RIN3: variants seen among roughly 807,000 people sequenced by gnomAD.
The protein encoded by RIN3 is Ras and Rab interactor 3.
A neutral mutation model predicts 76.3 loss-of-function variants in RIN3; 54 were observed. The observed-to-expected ratio is 0.71, with a 90% CI of 0.57 to 0.89. RIN3 has a LOEUF of 0.89. RIN3 is among the 40% of genes least tolerant of loss of function. The probability of loss-of-function intolerance (pLI) is 0.00; values close to 1 mark genes in which losing one functional copy is unlikely to be tolerated. For synonymous variants in RIN3, 576 were observed against 564.0 expected (o/e 1.02, Z -0.30); for missense variants, 1,256 against 1,322.1 (o/e 0.95, Z 0.78).
chr14:92,647,541 T>C (rs911166201), intron 5 of RIN3, among the ~76,000 whole-genome samples: 3 of 152,236 alleles, frequency 2.0e-5, no homozygotes. Flanking sequence ...ACTTGCTTTT[T>C]CCTTTACATC....
At chr14:92,664,364 C>CTTTTTTTTTTTTTT (rs373597134) in intron 7 of RIN3, among the ~76,000 whole-genome samples, 8 of 84,444 alleles carry the variant, frequency 9.5e-5, no homozygotes, top group East Asian at 4.8e-4. Flanking sequence ...TTCTTTCTTT[C>CTTTTTTTTTTTTTT]TTTTTTTTTT....
intron 3 of RIN3, among the ~76,000 whole-genome samples, chr14:92,589,672 T>C (rs1293937637): frequency 6.6e-6 from 1 of 152,206 alleles, no homozygotes. Context: ...ATAGTGGTGA[T>C]TAACTGAAAC....
At chr14:92,534,299 G>T (rs1373035827) in intron 1 of RIN3, among the ~76,000 whole-genome samples, 1 of 150,518 alleles carries the variant, frequency 6.6e-6, no homozygotes, top group African/African-American at 2.5e-5. Context: ...AGTAAATGGG[G>T]CTGGGCGTGG....
Position 92,593,343 on chromosome 14 carries a change from A to G in RIN3, c.367+15866A>G, listed in dbSNP as rs1251941463. On this transcript the variant is annotated intron_variant, in intron 3 of 9. Transcript: ENST00000216487. ...AATATCAATATCACTTTGAATTTTA[A>G]TGGTCCAAATGCACTAATTAAAAGA... is the stretch of plus-strand genomic sequence containing the variant. 2.0e-5 allele frequency among the ~76,000 whole-genome samples: 3 copies of G among 152,216 alleles called. No individual in the cohort carries two copies. The East Asian group carries it at 5.8e-4, about 29-fold the overall frequency.
intron 3 of RIN3, among the ~76,000 whole-genome samples, chr14:92,592,453 T>C (rs1386213605): frequency 6.6e-6 from 1 of 150,968 alleles, no homozygotes; most frequent in Non-Finnish European, 1.5e-5. Flanking sequence ...GGGGGATTGA[T>C]TCCAGGACCA....
chr14:92,642,067 G>A (rs1000239960), intron 5 of RIN3, among the ~76,000 whole-genome samples: 2 of 152,102 alleles, frequency 1.3e-5, no homozygotes, highest in Middle Eastern at 3.4e-3. Context: ...TTCAGTGTGT[G>A]TTGGGAGCAG....
rs1232260502 is a variant in RIN3 at position 92,627,121 on chromosome 14, T to C, written c.440+11642T>C. 3.3e-5 allele frequency among the ~76,000 whole-genome samples: 5 copies of C among 152,202 alleles called. No homozygotes were observed. In the East Asian group the frequency reaches 9.6e-4, roughly 29 times the overall value. The stretch of plus-strand genomic sequence containing the variant: ...ACCTAGAGGACTATCAGAGGGGATC[T>C]GACTATCCCCGTCCTTACCTTTCCC... On this transcript the variant is annotated intron_variant, in intron 4 of 9. Transcript: ENST00000216487.
intron 2 of RIN3, among the ~76,000 whole-genome samples, chr14:92,570,966 AGT>A (rs1898049017): frequency 7.9e-5 from 12 of 152,232 alleles, no homozygotes; most frequent in Non-Finnish European, 1.3e-4. Flanking sequence ...ACATATTTGA[AGT>A]TCTGTCTAAA....
chr14:92,656,424 C>G lies in RIN3; in HGVS notation c.2027-2737C>G, dbSNP rs956397516. Among the ~76,000 whole-genome samples the G allele has an allele frequency of 1.2e-4, 18 of 152,106 alleles. No individual in the cohort carries two copies. The highest frequency in any genetic ancestry group is 2.4e-4 in the Non-Finnish European group (16 of 67,988). On this transcript the variant is annotated intron_variant, in intron 6 of 9. Transcript: ENST00000216487. The surrounding 1 kb of genome is among the most constrained non-coding windows in gnomAD (Gnocchi z 5.2). ...GACGGCTCAGGAGGCTGCGGCGGGG[C>G]AAGGCCAGTACCCGGTGGCCTTCAG...
At chr14:92,560,316 G>A (rs1039952864) in intron 2 of RIN3, among the ~76,000 whole-genome samples, 8 of 152,148 alleles carry the variant, frequency 5.3e-5, no homozygotes, top group African/African-American at 1.4e-4. Context: ...TTCTGAGGGC[G>A]TAGCAGCTGG....
intron 1 of RIN3, among the ~76,000 whole-genome samples, chr14:92,539,752 G>T (rs1197210084): frequency 6.6e-6 from 1 of 152,166 alleles, no homozygotes; most frequent in Admixed American, 6.5e-5. Context: ...GGGAGGGAGG[G>T]TGGAGGAACT....
chr14:92,553,572 C>T (rs562401264), intron 1 of RIN3, among the ~76,000 whole-genome samples: 5 of 152,230 alleles, frequency 3.3e-5, no homozygotes, highest in Admixed American at 3.3e-4. Flanking sequence ...AGGATTCCTG[C>T]CATTCCCCGG....
chr14:92,563,928 C>G (rs1297431793), intron 2 of RIN3, among the ~76,000 whole-genome samples: 1 of 152,208 alleles, frequency 6.6e-6, no homozygotes, highest in East Asian at 1.9e-4. Flanking sequence ...CACACATACC[C>G]CTAAGCTCTG....
rs80216006 is a variant in RIN3, at chr14:92,566,458, C to T, written c.249+10503C>T. ...TGTTCCAAATGCTTTATTGACCACC[C>T]GTGATGTGATGAAGGCTAGGAAAGG... On this transcript the variant is annotated intron_variant, in intron 2 of 9. Transcript: ENST00000216487. Among the ~76,000 whole-genome samples the T allele has an allele frequency of 4.9e-4, 74 of 152,230 alleles. No individual in the cohort carries two copies. In the East Asian group the frequency reaches 0.012, roughly 25 times the overall value.
At chr14:92,586,849 A>G (rs993177037) in intron 3 of RIN3, among the ~76,000 whole-genome samples, 37 of 152,230 alleles carry the variant, frequency 2.4e-4, no homozygotes, top group African/African-American at 5.3e-4. Context: ...ATCAAAACCA[A>G]TGACACTCAG....
chr14:92,671,159 C>T (rs1888273773), intron 7 of RIN3, among the ~76,000 whole-genome samples: 1 of 152,172 alleles, frequency 6.6e-6, no homozygotes, highest in Non-Finnish European at 1.5e-5. Context: ...CTCTGGCTCA[C>T]ACAGCCTCCA....
intron 5 of RIN3, chr14:92,644,578 C>A (rs1196447114): frequency 6.6e-6 from 1 of 152,212 alleles, no homozygotes; most frequent in Non-Finnish European, 1.5e-5. Flanking sequence ...TCAGCACTTA[C>A]TTCCTAGAGA....
In RIN3 at chr14:92,659,599, G is replaced by A; in HGVS notation, c.2335+130G>A. 8 of 836,958 alleles carry A rather than the reference G, an allele frequency of 9.6e-6. No homozygotes were observed. The South Asian group carries it at 1.4e-4, about 14-fold the overall frequency. The allele number at this position is 836,958 out of a possible 1,614,324, so 51.8% of individuals were successfully genotyped here. A position where few individuals can be genotyped will look rare whatever the true frequency, so the allele number is the denominator to read the frequency against. On this transcript the variant is annotated intron_variant, in intron 7 of 9. Coordinates refer to ENST00000216487, the MANE Select transcript of RIN3 (RefSeq NM_024832.5). ...CCAGATTCAGAGCCCCCTTGGGGAG[G>A]AACTGAGTGTGGGTGGGGTGTAATT...
chr14:92,574,397 T>C (rs1366661573), intron 2 of RIN3, among the ~76,000 whole-genome samples: 1 of 152,206 alleles, frequency 6.6e-6, no homozygotes, highest in African/African-American at 2.4e-5. Flanking sequence ...GCTTTTCTAC[T>C]GTACACATGG....
Sources: allele counts gnomAD v4.1 joint callset (sites outside exome capture counted in the v4.1 genomes callset), GRCh38; gene constraint gnomAD v4.1.1; non-coding constraint Gnocchi (gnomAD v3.1); transcripts MANE v1.5; gene names NCBI Gene and HGNC (gene_info 2026-07-23, HGNC 2026-07-21).